Variants in APBA2 observed in about 807,000 individuals in gnomAD.
The protein encoded by APBA2 is amyloid beta precursor protein binding family A member 2.
In APBA2, 30 loss-of-function variants were observed where a neutral mutation model predicts 75.0. That is an observed-to-expected ratio of 0.40 (90% CI 0.30 to 0.54). The LOEUF (loss-of-function observed/expected upper bound fraction) is 0.54. Ranked by LOEUF, APBA2 falls within the 20% of genes least tolerant of loss-of-function variation. The pLI is 0.49. For missense variants in APBA2, 801 were observed against 1,016.1 expected, an observed-to-expected ratio of 0.79 and a Z score of 2.88; for synonymous variants, 444 against 409.6, an observed-to-expected ratio of 1.08 and a Z score of -1.01.
chr15:29,107,815 C>G (rs2044508412), intron 12 of APBA2, among the ~76,000 whole-genome samples: 1 of 152,208 alleles, frequency 6.6e-6, no homozygotes, highest in Non-Finnish European at 1.5e-5. Flanking sequence ...GTGGTCACTC[C>G]CTGCCCTGCA....
intron 4 of APBA2, among the ~76,000 whole-genome samples, chr15:29,073,698 T>G (rs2042724221): frequency 1.3e-5 from 2 of 152,230 alleles, no homozygotes; most frequent in South Asian, 4.1e-4. Flanking sequence ...CATCATCATA[T>G]TGTTATTTCT....
At chr15:29,040,548 G>C (rs540608443) in intron 3 of APBA2, among the ~76,000 whole-genome samples, 2 of 152,302 alleles carry the variant, frequency 1.3e-5, no homozygotes, top group South Asian at 4.1e-4. Flanking sequence ...TCCCTGAATA[G>C]CTCGTGCTTG....
chr15:28,967,209 T>A (rs1364451594), intron 2 of APBA2, among the ~76,000 whole-genome samples: 1 of 152,180 alleles, frequency 6.6e-6, no homozygotes, highest in Non-Finnish European at 1.5e-5. Context: ...ATAATTCACA[T>A]ACCATGTAAC....
At chr15:29,105,252 C>T (rs541008874) in intron 10 of APBA2, 127 bp from the exon 11 acceptor site, 13 of 934,238 alleles carry the variant, frequency 1.4e-5, no homozygotes, top group African/African-American at 1.0e-4. Context: ...CTTCTAAGCC[C>T]GAGCAAGGGC....
intron 6 of APBA2, among the ~76,000 whole-genome samples, chr15:29,088,095 A>G: frequency 6.6e-6 from 1 of 152,010 alleles, no homozygotes; most frequent in Non-Finnish European, 1.5e-5. Context: ...GGTTCCTCTG[A>G]AACAGCTCTT....
chr15:29,103,884 C>T (rs2044262502), intron 10 of APBA2, among the ~76,000 whole-genome samples: 5 of 152,204 alleles, frequency 3.3e-5, no homozygotes, highest in Admixed American at 3.3e-4. Context: ...TCCTGCCGAG[C>T]CCCATCAGCT....
At chr15:29,115,403 CAGG>C (rs879285986) in intron 14 of APBA2, among the ~76,000 whole-genome samples, 28 of 152,018 alleles carry the variant, frequency 1.8e-4, no homozygotes, top group Non-Finnish European at 1.6e-4. Context: ...GGGTCTGGCT[CAGG>C]AGGAGGAGGG....
chr15:28,887,523 G>A (rs1377624545), intron 1 of APBA2, among the ~76,000 whole-genome samples: 1 of 152,100 alleles, frequency 6.6e-6, no homozygotes, highest in East Asian at 1.9e-4. Context: ...CCTGTGTGTC[G>A]CCACTACGCA....
rs2152889174 is a variant in APBA2 at position 29,054,460 on chromosome 15, C to T, written c.576C>T (p.Gly192=). The change falls in exon 4 of 15, where the codon GGC becomes GGT. Residue 192 remains glycine, a synonymous_variant. Coordinates refer to ENST00000683413, the MANE Select transcript of APBA2 (RefSeq NM_001353788.2). This position sits in a 1 kb window ranked among gnomAD's most constrained non-coding sequence, Gnocchi z 6.1. ...GTCACTACTGTGCCAGCAAAGAGGGCTACCAGGACTACTACCCCGAGGAGG... is the reference window on the plus strand; with the variant it reads ...GTCACTACTGTGCCAGCAAAGAGGGTTACCAGGACTACTACCCCGAGGAGG... ...EDGHYCASKE[G]YQDYYPEEAN... The T allele has an allele frequency of 6.2e-7, 1 of 1,614,110 alleles. No individual in the cohort carries two copies. The highest frequency in any genetic ancestry group is 8.5e-7 in the Non-Finnish European group (1 of 1,180,016).
chr15:29,020,855 C>G lies in APBA2; in HGVS notation c.-41+25049C>G, dbSNP rs957301805. Among the ~76,000 whole-genome samples, 9 of 152,030 alleles carry G rather than the reference C, an allele frequency of 5.9e-5. No individual in the cohort carries two copies. The South Asian group carries it at 1.7e-3, about 28-fold the overall frequency. ...GACCTCCTCCCAAATAACCCCCAAA[C>G]AAACAAAAAACCAGATTAAATAAAA... On this transcript the variant is annotated intron_variant, in intron 3 of 14. Coordinates refer to ENST00000683413, the MANE Select transcript of APBA2 (RefSeq NM_001353788.2).
intron 1 of APBA2, among the ~76,000 whole-genome samples, chr15:28,913,759 T>G (rs2033541303): frequency 6.6e-6 from 1 of 152,210 alleles, no homozygotes. Context: ...TAAAAAAAAT[T>G]CTACTAGTTG....
intron 2 of APBA2, among the ~76,000 whole-genome samples, chr15:28,972,749 C>T (rs1413949879): frequency 6.6e-6 from 1 of 152,122 alleles, no homozygotes; most frequent in East Asian, 1.9e-4. Context: ...TGGTTGCAGG[C>T]AATGAGGAGT....
intron 2 of APBA2, among the ~76,000 whole-genome samples, chr15:28,926,079 A>C (rs1316056440): frequency 1.3e-5 from 2 of 152,180 alleles, no homozygotes; most frequent in Non-Finnish European, 2.9e-5. Context: ...CATTTAAAGT[A>C]GATATCTTGT....
chr15:29,044,946 C>G (rs934058300), intron 3 of APBA2, among the ~76,000 whole-genome samples: 1 of 152,120 alleles, frequency 6.6e-6, no homozygotes, highest in African/African-American at 2.4e-5. Context: ...TGTCTGCTTT[C>G]TGGTTCATAG....
intron 2 of APBA2, among the ~76,000 whole-genome samples, chr15:28,961,845 T>A (rs1361030399): frequency 1.3e-5 from 2 of 152,210 alleles, no homozygotes; most frequent in Non-Finnish European, 2.9e-5. Flanking sequence ...TTAGTATTTT[T>A]AAGCATATTT....
rs574647999 is a variant in APBA2, at chr15:29,012,488, G to A, written c.-41+16682G>A. The stretch of plus-strand genomic sequence containing the variant: ...ATCACTGCTGATGTTACCCTCAATC[G>A]TCTGAGTGTTATGCACCATCTCCAT... On this transcript the variant is annotated intron_variant, in intron 3 of 14. Transcript: ENST00000683413. Among the ~76,000 whole-genome samples the A allele has an allele frequency of 8.6e-4, 131 of 152,182 alleles. 2 individuals are homozygous for A. In the South Asian group the frequency reaches 0.022, roughly 26 times the overall value.
chr15:28,899,803 G>A (rs1461283355), intron 1 of APBA2, among the ~76,000 whole-genome samples: 1 of 152,106 alleles, frequency 6.6e-6, no homozygotes, highest in Non-Finnish European at 1.5e-5. Flanking sequence ...GTGTTGGATC[G>A]GATAATAAAG....
chr15:28,979,009 C>T (rs2037482985), intron 2 of APBA2, among the ~76,000 whole-genome samples: 1 of 152,220 alleles, frequency 6.6e-6, no homozygotes, highest in South Asian at 2.1e-4. Context: ...GGCTATCTGG[C>T]TACAACGGGT....
intron 3 of APBA2, among the ~76,000 whole-genome samples, chr15:29,003,087 C>T (rs1315732301): frequency 1.3e-5 from 2 of 152,010 alleles, no homozygotes; most frequent in African/African-American, 2.4e-5. Context: ...GTGGCAGAGG[C>T]CAGCTTGACC....
Sources: allele counts gnomAD v4.1 joint callset (sites outside exome capture counted in the v4.1 genomes callset), GRCh38; gene constraint gnomAD v4.1.1; non-coding constraint Gnocchi (gnomAD v3.1); transcripts MANE v1.5; gene names NCBI Gene and HGNC (gene_info 2026-07-23, HGNC 2026-07-21).